The following SORCS2 variants were observed in gnomAD, a reference collection of about 807,000 sequenced individuals.
The protein encoded by SORCS2 is VPS10 domain-containing receptor SorCS2.
Under a neutral mutation model 141.6 loss-of-function variants are expected in SORCS2, and 100 were observed. The ratio of observed to expected loss-of-function variants is 0.71; its 90% CI spans 0.60 to 0.83. The LOEUF (loss-of-function observed/expected upper bound fraction) is 0.83, where lower values mean the gene tolerates loss of function less well. Ranked by LOEUF, SORCS2 falls within the 40% of genes least tolerant of loss-of-function variation. The pLI, the probability that SORCS2 is intolerant of heterozygous loss-of-function variation, is 0.00. For synonymous variants in SORCS2, 789 were observed against 676.9 expected (o/e 1.17, Z -2.57); for missense variants, 1,646 against 1,560.2 (o/e 1.05, Z -0.93).
At chr4:7,442,236 T>C (rs1361268959) in intron 2 of SORCS2, among the ~76,000 whole-genome samples, 3 of 16 alleles carry the variant, frequency 0.19, 1 homozygote, top group Admixed American at 0.5. Context: ...ACCCCCTCCT[T>C]CAGCCCAGAT....
chr4:7,219,822 C>T (rs1728591388), intron 1 of SORCS2, among the ~76,000 whole-genome samples: 1 of 69,172 alleles, frequency 1.4e-5, no homozygotes, highest in Admixed American at 1.4e-4. Flanking sequence ...CTGTGGGTGG[C>T]CCGCAGGGCA....
At chr4:7,650,357 C>A (rs73794356) in intron 4 of SORCS2, among the ~76,000 whole-genome samples, 1 of 152,174 alleles carries the variant, frequency 6.6e-6, no homozygotes, top group African/African-American at 2.4e-5. Flanking sequence ...GCGGTGATCG[C>A]GACAGAACGT....
Position 7,676,116 on chromosome 4 carries a change from G to A in SORCS2, c.1228G>A (p.Asp410Asn). ...GGCGGTGCAGGAGTGGTACCAGATG[G>A]ACACCTACAACCTGTACCAGTCGGA... ...FVAVQEWYQM[D>N]TYNLYQSDPR... The change falls in exon 9 of 27, where the codon GAC becomes AAC. Residue 410 changes from aspartate (D) to asparagine (N), a missense_variant. Coordinates refer to ENST00000507866, the MANE Select transcript of SORCS2 (RefSeq NM_020777.3). 6.3e-7 allele frequency: 1 copy of A among 1,584,946 alleles called. No individual in the cohort carries two copies. Among genetic ancestry groups the A allele is most frequent in the Non-Finnish European group, 8.6e-7 (1 of 1,164,074 alleles).
chr4:7,273,400 C>T lies in SORCS2; in HGVS notation c.480+80274C>T, dbSNP rs539956545. On this transcript the variant is annotated intron_variant, in intron 1 of 26. Coordinates refer to ENST00000507866, the MANE Select transcript of SORCS2 (RefSeq NM_020777.3). ...ACCATGGCATAACCCAGCTGAAAGCCACTTGCATCCATCATTGCTGGAGGG... is the reference window on the plus strand; with the variant it reads ...ACCATGGCATAACCCAGCTGAAAGCTACTTGCATCCATCATTGCTGGAGGG... Among the ~76,000 whole-genome samples the T allele has an allele frequency of 2.6e-5, 4 of 152,264 alleles. No homozygotes were observed. In the East Asian group the frequency reaches 7.7e-4, roughly 29 times the overall value.
intron 14 of SORCS2, among the ~76,000 whole-genome samples, chr4:7,709,302 C>T (rs777113579): frequency 7.2e-5 from 11 of 152,270 alleles, no homozygotes; most frequent in African/African-American, 2.4e-4. Flanking sequence ...GCTGTCCATC[C>T]GGGAGCCGTG....
intron 18 of SORCS2, among the ~76,000 whole-genome samples, chr4:7,719,552 G>A (rs1726433856): frequency 1.3e-5 from 2 of 152,190 alleles, no homozygotes; most frequent in African/African-American, 4.8e-5. Flanking sequence ...CCCTGGTGCA[G>A]GCTGCTGACG....
chr4:7,498,811 C>T (rs976528582), intron 2 of SORCS2, among the ~76,000 whole-genome samples: 6 of 152,252 alleles, frequency 3.9e-5, no homozygotes, highest in African/African-American at 1.4e-4. Flanking sequence ...CTGGCCCTCC[C>T]TCTGCGGGTG....
At chr4:7,688,048 C>G (rs1723984870) in intron 10 of SORCS2, among the ~76,000 whole-genome samples, 1 of 152,242 alleles carries the variant, frequency 6.6e-6, no homozygotes, top group Non-Finnish European at 1.5e-5. Context: ...CGGCCACCAC[C>G]TGGTCGCATC....
chr4:7,725,005 ATGGTGG>A (rs373326590), intron 19 of SORCS2, 143 bp from the exon 20 acceptor site: 16 of 804,698 alleles, frequency 2.0e-5, no homozygotes, highest in Admixed American at 9.6e-5. Flanking sequence ...AGTAGTGGTG[ATGGTGG>A]TGGTGGTGGT....
intron 12 of SORCS2, among the ~76,000 whole-genome samples, chr4:7,702,181 C>A (rs972311520): frequency 2.8e-4 from 42 of 152,170 alleles, no homozygotes; most frequent in Non-Finnish European, 5.7e-4. Context: ...GTCCTCTGTC[C>A]CCTCCTGGGC....
intron 1 of SORCS2, among the ~76,000 whole-genome samples, chr4:7,329,135 G>A (rs1161690853): frequency 2.6e-5 from 4 of 152,210 alleles, no homozygotes; most frequent in Non-Finnish European, 5.9e-5. Context: ...CTCCAAGTCC[G>A]GTGACTCAGA....
chr4:7,649,632 G>T (rs1721307197), intron 4 of SORCS2, among the ~76,000 whole-genome samples: 1 of 152,118 alleles, frequency 6.6e-6, no homozygotes, highest in Non-Finnish European at 1.5e-5. Context: ...ACCCAGGGAG[G>T]AAAAGGCCCT....
Position 7,734,310 on chromosome 4 carries a change from G to A in SORCS2, c.3247G>A (p.Val1083Ile), listed in dbSNP as rs1711972957. The change falls in exon 25 of 27, where the codon GTA (valine) becomes ATA (isoleucine). Residue 1083 changes from valine (V) to isoleucine (I), a missense_variant. Coordinates refer to ENST00000507866, the MANE Select transcript of SORCS2 (RefSeq NM_020777.3). ...QLGGGGGYWA[V>I]VVLFVIGLFA... ...GGGCGGCGGTGGCGGCTACTGGGCG[G>A]TAGTGGTGCTGTTTGTCATCGGGCT... 1.2e-6 allele frequency: 2 copies of A among 1,603,116 alleles called. No individual in the cohort carries two copies. The highest frequency in any genetic ancestry group is 1.7e-5 in the Admixed American group (1 of 58,808).
At position 7,385,289 on chromosome 4, in the gene SORCS2, A is replaced by G. The variant is rs192362829; in HGVS notation, c.481-10999A>G. On this transcript the variant is annotated intron_variant, in intron 1 of 26. Coordinates refer to ENST00000507866, the MANE Select transcript of SORCS2 (RefSeq NM_020777.3). Reference sequence around the variant, plus strand: ...GAAACGATATTCCTCTCCCTGGTAAATAAATGCAGGATCAGTGTCTTTGAA... The same window carrying G: ...GAAACGATATTCCTCTCCCTGGTAAGTAAATGCAGGATCAGTGTCTTTGAA... Among the ~76,000 whole-genome samples the G allele has an allele frequency of 1.9e-3, 290 of 152,340 alleles. 1 individual carries two copies. The highest frequency in any genetic ancestry group is 6.8e-3 in the African/African-American group (281 of 41,572).
chr4:7,348,497 A>G (rs745525932), intron 1 of SORCS2, among the ~76,000 whole-genome samples: 4 of 152,170 alleles, frequency 2.6e-5, no homozygotes, highest in Non-Finnish European at 5.9e-5. Flanking sequence ...TGAGGATGCT[A>G]AGTGCCCTGG....
intron 1 of SORCS2, among the ~76,000 whole-genome samples, chr4:7,224,512 C>T (rs577540771): frequency 3.3e-5 from 5 of 152,332 alleles, no homozygotes; most frequent in African/African-American, 1.2e-4. Context: ...TCTGCCCACA[C>T]CTGTGACCCA....
At chr4:7,587,057 G>T (rs1430329668) in intron 3 of SORCS2, among the ~76,000 whole-genome samples, 2 of 152,032 alleles carry the variant, frequency 1.3e-5, no homozygotes, top group African/African-American at 4.8e-5. Context: ...GATCGGAGAT[G>T]GGCGGGGCTG....
intron 2 of SORCS2, among the ~76,000 whole-genome samples, chr4:7,523,898 T>C (rs758552782): frequency 1.9e-4 from 29 of 152,168 alleles, no homozygotes; most frequent in Non-Finnish European, 4.0e-4. Flanking sequence ...CCTCCCTCCT[T>C]GGGCCCCTGG....
intron 1 of SORCS2, among the ~76,000 whole-genome samples, chr4:7,377,074 C>T (rs4524381): frequency 5.3e-5 from 8 of 152,158 alleles, no homozygotes; most frequent in Non-Finnish European, 1.0e-4. Context: ...TTTCTGTATG[C>T]GTGTGGAAGT....
Sources: allele counts gnomAD v4.1 joint callset (sites outside exome capture counted in the v4.1 genomes callset), GRCh38; gene constraint gnomAD v4.1.1; transcripts MANE v1.5; gene names NCBI Gene and HGNC (gene_info 2026-07-23, HGNC 2026-07-21).